TOX2: variants seen among roughly 807,000 people sequenced by gnomAD.
TOX2 encodes the protein granulosa cell HMG box 1.
A neutral mutation model predicts 47.4 loss-of-function variants in TOX2; 15 were observed. The observed-to-expected ratio is 0.32, with a 90% CI of 0.21 to 0.49. The LOEUF (loss-of-function observed/expected upper bound fraction) is 0.49. Among genes scored for constraint, TOX2 ranks in the 20% least tolerant of loss-of-function variants. The pLI is 0.99. For synonymous variants in TOX2, 290 were observed against 296.6 expected (o/e 0.98, Z 0.23); for missense variants, 622 against 673.1 (o/e 0.92, Z 0.84).
chr20:43,917,174 C>G (rs957193566), intron 1 of TOX2, among the ~76,000 whole-genome samples: 2 of 151,838 alleles, frequency 1.3e-5, no homozygotes, highest in Non-Finnish European at 2.9e-5. Flanking sequence ...CAGGGTGAGG[C>G]GGGAGGGGAG....
At chr20:43,927,646 TTC>T (rs2069191396) in intron 1 of TOX2, among the ~76,000 whole-genome samples, 3 of 106,998 alleles carry the variant, frequency 2.8e-5, no homozygotes, top group African/African-American at 5.3e-5. Context: ...CTTCCTCCCC[TTC>T]CCTTCCCTTC....
chr20:43,986,671 A>G (rs1427599024), intron 2 of TOX2, among the ~76,000 whole-genome samples: 1 of 152,128 alleles, frequency 6.6e-6, no homozygotes, highest in Non-Finnish European at 1.5e-5. Flanking sequence ...CAGTACCCTC[A>G]CTCACTGCTG....
intron 1 of TOX2, among the ~76,000 whole-genome samples, chr20:43,967,591 G>A (rs1020893551): frequency 3.9e-5 from 6 of 151,904 alleles, no homozygotes. Flanking sequence ...TCACACTCAT[G>A]CAGCCATCCC....
In TOX2 at chr20:44,025,248, G is replaced by A. The variant is rs548148586; in HGVS notation, c.411+18456G>A. On this transcript the variant is annotated intron_variant, in intron 3 of 8. Coordinates refer to ENST00000341197, the MANE Select transcript of TOX2 (RefSeq NM_001098797.2). ...CAGAGAAGTTTCCCTTGGATGCGTC[G>A]AGCCTCTGCCTGCCCCCAGGGGTGT... 9.2e-5 allele frequency among the ~76,000 whole-genome samples: 14 copies of A among 152,118 alleles called. No individual in the cohort carries two copies. The South Asian group carries it at 2.1e-3, about 23-fold the overall frequency.
Position 43,914,979 on chromosome 20 carries a change from C to A in TOX2, c.88C>A (p.His30Asn). 8.0e-7 allele frequency: 1 copy of A among 1,251,358 alleles called. No homozygotes were observed. Among genetic ancestry groups the A allele is most frequent in the South Asian group, 2.6e-5 (1 of 38,134 alleles). The allele number at this position is 1,251,358 out of a possible 1,614,324, so 77.5% of individuals were successfully genotyped here. ...PAGLAHLDYY[H>N]GGKFDGDSAY... ...CGGCCTGGCGCACCTGGACTATTAC[C>A]ACGGCGGCAAGGTAGGCGGGGGCGG... The change falls in exon 1 of 9, where the codon CAC (histidine) becomes AAC (asparagine). Residue 30 changes from histidine to asparagine, a missense_variant. His to Asn is a moderately conservative substitution (Grantham distance 68, BLOSUM62 1). Around this residue, in one of 3 missense-constraint regions of TOX2, gnomAD observed 307 missense variants for 327.3 expected, o/e 0.94. Transcript: ENST00000341197. The surrounding 1 kb of genome is among the most constrained non-coding windows in gnomAD (Gnocchi z 4.5).
At chr20:44,044,312 A>T (rs1487515311) in intron 3 of TOX2, among the ~76,000 whole-genome samples, 1 of 152,096 alleles carries the variant, frequency 6.6e-6, no homozygotes, top group Non-Finnish European at 1.5e-5. Context: ...GCATGAGGAG[A>T]TATACCTAAT....
At chr20:44,056,496 C>T (rs1417952372) in intron 5 of TOX2, among the ~76,000 whole-genome samples, 1 of 152,190 alleles carries the variant, frequency 6.6e-6, no homozygotes, top group Non-Finnish European at 1.5e-5. Context: ...TCCCCGGGCA[C>T]TCCCTCCACC....
chr20:43,954,912 A>C (rs1376432887), intron 1 of TOX2, among the ~76,000 whole-genome samples: 1 of 152,210 alleles, frequency 6.6e-6, no homozygotes, highest in African/African-American at 2.4e-5. Context: ...TAAAATGGGC[A>C]TACAGAGGGA....
chr20:43,995,474 G>T (rs928169221), intron 2 of TOX2, among the ~76,000 whole-genome samples: 1 of 152,166 alleles, frequency 6.6e-6, no homozygotes, highest in African/African-American at 2.4e-5. Context: ...ACAGAGTTGA[G>T]AAACACTGAA....
At chr20:44,029,076 C>T (rs998233696) in intron 3 of TOX2, among the ~76,000 whole-genome samples, 6 of 152,178 alleles carry the variant, frequency 3.9e-5, no homozygotes, top group South Asian at 2.1e-4. Flanking sequence ...TCCTTGGCCA[C>T]AGTGAACCCT....
intron 6 of TOX2, among the ~76,000 whole-genome samples, 196 bp from the exon 7 acceptor site, chr20:44,065,516 T>C (rs1383842456): frequency 6.6e-6 from 1 of 152,056 alleles, no homozygotes; most frequent in Non-Finnish European, 1.5e-5. Context: ...CCCCCAAAGA[T>C]AAAAGCAGTA....
chr20:44,041,908 A>C (rs1366299052), intron 3 of TOX2, among the ~76,000 whole-genome samples: 1 of 152,236 alleles, frequency 6.6e-6, no homozygotes, highest in African/African-American at 2.4e-5. Flanking sequence ...TCTTACTCCA[A>C]AAAATAGGCA....
intron 2 of TOX2, among the ~76,000 whole-genome samples, chr20:44,003,299 C>T (rs1193103397): frequency 6.6e-6 from 1 of 151,906 alleles, no homozygotes; most frequent in Non-Finnish European, 1.5e-5. Flanking sequence ...TGATCCTCCA[C>T]CTCAGCCCCC....
At chr20:43,986,407 G>A (rs1340296920) in intron 2 of TOX2, among the ~76,000 whole-genome samples, 1 of 151,962 alleles carries the variant, frequency 6.6e-6, no homozygotes, top group Non-Finnish European at 1.5e-5. Flanking sequence ...TCAGCCTCCC[G>A]AGTAGCTGGG....
intron 3 of TOX2, among the ~76,000 whole-genome samples, chr20:44,039,858 C>T (rs1335927341): frequency 2.0e-5 from 3 of 152,180 alleles, no homozygotes; most frequent in Non-Finnish European, 4.4e-5. Flanking sequence ...CACTTCCAGG[C>T]TGTTTGGGGC....
intron 1 of TOX2, among the ~76,000 whole-genome samples, chr20:43,926,913 G>A (rs1001324703): frequency 3.3e-5 from 5 of 152,150 alleles, no homozygotes; most frequent in Non-Finnish European, 2.9e-5. Context: ...AAGGTGGCCA[G>A]GAGCTATTCT....
At chr20:43,938,824 G>A (rs1018901180) in intron 1 of TOX2, among the ~76,000 whole-genome samples, 1 of 152,196 alleles carries the variant, frequency 6.6e-6, no homozygotes, top group Non-Finnish European at 1.5e-5. Flanking sequence ...GGTCTGTGAC[G>A]CCTGCCCCCA....
intron 2 of TOX2, among the ~76,000 whole-genome samples, chr20:43,990,255 A>G (rs944573845): frequency 1.3e-5 from 2 of 152,236 alleles, no homozygotes; most frequent in African/African-American, 4.8e-5. Context: ...GGTCAGAACA[A>G]TGTGACTATG....
rs142594324 is a variant in TOX2, at chr20:44,038,658, C to T, written c.412-12648C>T. Among the ~76,000 whole-genome samples the T allele has an allele frequency of 5.5e-3, 834 of 152,008 alleles. 3 individuals carry two copies. The highest frequency in any genetic ancestry group is 0.037 in the Middle Eastern group (11 of 294). On this transcript the variant is annotated intron_variant, in intron 3 of 8. Coordinates refer to ENST00000341197, the MANE Select transcript of TOX2 (RefSeq NM_001098797.2). ...TGGAAAAAAAGAAAAAAAAAAATTC[C>T]GCCTTCCTGGGCTGAGTGTGAGGCT...
Sources: gnomAD v4.1 joint callset for allele counts (sites outside exome capture counted in the v4.1 genomes callset) on GRCh38, gnomAD v4.1.1 for gene constraint, gnomAD v4.1.1 regional missense constraint, Gnocchi (gnomAD v3.1) non-coding constraint, MANE v1.5 for transcripts, NCBI Gene and HGNC (gene_info 2026-07-23, HGNC 2026-07-21) for gene names.